TAF2: variants seen among roughly 807,000 people sequenced by gnomAD.
TAF2 encodes the protein transcription initiation factor TFIID subunit 2.
Under a neutral mutation model 138.5 loss-of-function variants are expected in TAF2, and 61 were observed. The ratio of observed to expected loss-of-function variants is 0.44; its 90% confidence interval spans 0.36 to 0.54. The LOEUF is 0.54. TAF2 is among the 20% of genes least tolerant of loss of function. The pLI, the probability that TAF2 is intolerant of heterozygous loss-of-function variation, is 0.00. For missense variants in TAF2, 1,090 were observed against 1,427.9 expected (o/e 0.76, Z 3.81); for synonymous variants, 475 against 469.9 (o/e 1.01, Z -0.14).
chr8:119,814,939 C>A (rs1402604699), intron 3 of TAF2, among the ~76,000 whole-genome samples: 1 of 148,532 alleles, frequency 6.7e-6, no homozygotes, highest in Non-Finnish European at 1.5e-5. Flanking sequence ...GGGTGGGGGG[C>A]TTCTCAAAGT....
At chr8:119,803,157 G>C (rs1362060177) in intron 5 of TAF2, among the ~76,000 whole-genome samples, 1 of 152,096 alleles carries the variant, frequency 6.6e-6, no homozygotes, top group East Asian at 1.9e-4. Flanking sequence ...AATGTGGAGT[G>C]GGGAAGTAGA....
chr8:119,751,278 A>G (rs1456820136), intron 22 of TAF2, among the ~76,000 whole-genome samples: 1 of 152,198 alleles, frequency 6.6e-6, no homozygotes, highest in East Asian at 1.9e-4. Context: ...AACAAAAGTC[A>G]GCCTGGTTCT....
At chr8:119,751,075 C>T (rs935892433) in intron 22 of TAF2, among the ~76,000 whole-genome samples, 1 of 151,766 alleles carries the variant, frequency 6.6e-6, no homozygotes, top group African/African-American at 2.4e-5. Context: ...AATATGGAGC[C>T]CCAATAAAAA....
intron 4 of TAF2, 55 bp from the exon 5 acceptor site, chr8:119,804,074 A>G (rs1824449142): frequency 6.3e-7 from 1 of 1,583,988 alleles, no homozygotes; most frequent in South Asian, 1.1e-5. Flanking sequence ...TGGTCTATAT[A>G]ATAAAGACAA....
chr8:119,782,342 A>G (rs1439362806), intron 16 of TAF2, among the ~76,000 whole-genome samples: 1 of 152,192 alleles, frequency 6.6e-6, no homozygotes, highest in Non-Finnish European at 1.5e-5. Flanking sequence ...TGATTAAACA[A>G]CATATTCTAC....
intron 25 of TAF2, among the ~76,000 whole-genome samples, chr8:119,741,470 A>G (rs1420260260): frequency 6.6e-6 from 1 of 152,222 alleles, no homozygotes; most frequent in African/African-American, 2.4e-5. Flanking sequence ...AGAAATATCA[A>G]AACTCACTCA....
At chr8:119,829,659 G>A (rs1443396804) in intron 2 of TAF2, among the ~76,000 whole-genome samples, 1 of 151,844 alleles carries the variant, frequency 6.6e-6, no homozygotes, top group African/African-American at 2.4e-5. Flanking sequence ...GGAAACTTAA[G>A]TCATCCACAA....
chr8:119,783,148 T>C (rs1210272046), intron 16 of TAF2, among the ~76,000 whole-genome samples: 1 of 152,232 alleles, frequency 6.6e-6, no homozygotes, highest in East Asian at 1.9e-4. Context: ...TTCTCTTTGA[T>C]TTTTAAAATC....
At chr8:119,808,553 T>C (rs1824827600) in intron 3 of TAF2, among the ~76,000 whole-genome samples, 1 of 152,190 alleles carries the variant, frequency 6.6e-6, no homozygotes, top group Non-Finnish European at 1.5e-5. Flanking sequence ...GTGAATCCTT[T>C]TCAGGGTTTC....
At chr8:119,812,525 T>G (rs1482015832) in intron 3 of TAF2, among the ~76,000 whole-genome samples, 1 of 152,220 alleles carries the variant, frequency 6.6e-6, no homozygotes, top group Non-Finnish European at 1.5e-5. Context: ...TCACTCTGTA[T>G]GTCTTCACAT....
At position 119,797,046 on chromosome 8, in the gene TAF2, A is replaced by G; in HGVS notation, c.1035T>C (p.Cys345=). The part of the protein sequence containing the change: ...IIDETPLTRR[C]LAQSLAQQFF... ...ACTGCTGGGCCAAGGATTGGGCTAA[A>G]CACCTTCTAGTCAAAGGTGTCTCAT... The change falls in exon 8 of 26, where the codon TGT becomes TGC. Residue 345 remains cysteine (C), a synonymous_variant. Coordinates refer to ENST00000378164, the MANE Select transcript of TAF2 (RefSeq NM_003184.4). 1.2e-6 allele frequency: 2 copies of G among 1,613,420 alleles called. No homozygotes were observed. The highest frequency in any genetic ancestry group is 1.7e-6 in the Non-Finnish European group (2 of 1,179,552).
chr8:119,777,477 A>G (rs1297024301), intron 18 of TAF2, among the ~76,000 whole-genome samples: 1 of 152,190 alleles, frequency 6.6e-6, no homozygotes, highest in Non-Finnish European at 1.5e-5. Flanking sequence ...ACTCTCTAGC[A>G]CAGCATATAC....
intron 4 of TAF2, among the ~76,000 whole-genome samples, chr8:119,805,994 T>A (rs1824611447): frequency 6.6e-6 from 1 of 151,666 alleles, no homozygotes; most frequent in Non-Finnish European, 1.5e-5. Context: ...AATCTCCACC[T>A]CCTGGGTTCA....
rs181840488 is a variant in TAF2, at chr8:119,817,297, G to C, written c.299+2049C>G. Among the ~76,000 whole-genome samples the C allele has an allele frequency of 5.7e-4, 87 of 152,280 alleles. 1 individual carries two copies. The highest frequency in any genetic ancestry group is 4.7e-3 in the Admixed American group (72 of 15,296). On this transcript the variant is annotated intron_variant, in intron 3 of 25. Coordinates refer to ENST00000378164, the MANE Select transcript of TAF2 (RefSeq NM_003184.4). ...CAGGAGGTGAGTAGCGGGTGAGCAA[G>C]CATTACCTTCTGAGCTTTGCCTCCT...
At chr8:119,768,882 G>A (rs911263744) in intron 18 of TAF2, among the ~76,000 whole-genome samples, 1 of 152,212 alleles carries the variant, frequency 6.6e-6, no homozygotes, top group Non-Finnish European at 1.5e-5. Flanking sequence ...CAGGGGAGAG[G>A]TGTCTTCTGC....
At chr8:119,785,790 G>A (rs1200094092) in intron 14 of TAF2, among the ~76,000 whole-genome samples, 3 of 152,094 alleles carry the variant, frequency 2.0e-5, no homozygotes, top group African/African-American at 4.8e-5. Context: ...TGTTAACTGG[G>A]GAAGGGCAAA....
rs1240138486 is a variant in TAF2 at position 119,731,195 on chromosome 8, CA to C, written c.*728del. 10 of 152,128 alleles carry C rather than the reference CA, an allele frequency of 6.6e-5. No individual in the cohort carries two copies. The highest frequency in any genetic ancestry group is 2.2e-4 in the African/African-American group (9 of 41,540). 9.4% of individuals were successfully genotyped at this position (152,128 alleles called of 1,614,324 possible). ...CATTTATACTTACTGGAAAACAAAA[CA>C]AAAAAACTTATAATTTAAACATCTT... On this transcript the variant is annotated 3_prime_UTR_variant, in exon 26 of 26. Coordinates refer to ENST00000378164, the MANE Select transcript of TAF2 (RefSeq NM_003184.4).
At chr8:119,769,467 T>C (rs1405673278) in intron 18 of TAF2, among the ~76,000 whole-genome samples, 1 of 152,114 alleles carries the variant, frequency 6.6e-6, no homozygotes, top group Admixed American at 6.5e-5. Context: ...CATTTCATCC[T>C]AAATGAAAAC....
intron 2 of TAF2, among the ~76,000 whole-genome samples, chr8:119,824,884 T>C (rs781256583): frequency 7.9e-5 from 12 of 152,152 alleles, no homozygotes; most frequent in South Asian, 2.1e-4. Context: ...AGGCAGAAAT[T>C]TGCTGTAGAG....
Sources: allele counts gnomAD v4.1 joint callset (sites outside exome capture counted in the v4.1 genomes callset), GRCh38; gene constraint gnomAD v4.1.1; transcripts MANE v1.5; gene names NCBI Gene and HGNC (gene_info 2026-07-23, HGNC 2026-07-21).